Variants in DCLK1 observed in about 807,000 individuals in gnomAD.
DCLK1 encodes serine/threonine-protein kinase DCLK1.
In DCLK1, 16 loss-of-function variants were observed where a neutral mutation model predicts 86.2. The ratio of observed to expected loss-of-function variants is 0.19; its 90% CI spans 0.13 to 0.28. The LOEUF (loss-of-function observed/expected upper bound fraction) is 0.28. Among genes scored for constraint, DCLK1 ranks in the 10% least tolerant of loss-of-function variants. DCLK1 has a pLI of 1.00. For synonymous variants in DCLK1, 369 were observed against 370.5 expected, an observed-to-expected ratio of 1.00 and a Z score of 0.05; for missense variants, 590 against 940.2, an observed-to-expected ratio of 0.63 and a Z score of 4.87.
At chr13:35,819,221 T>C (rs1370233808) in intron 11 of DCLK1, among the ~76,000 whole-genome samples, 3 of 152,170 alleles carry the variant, frequency 2.0e-5, no homozygotes, top group Non-Finnish European at 2.9e-5. Context: ...TTATAAGGGG[T>C]ATTTTTTATT....
intron 3 of DCLK1, among the ~76,000 whole-genome samples, chr13:36,039,957 C>G (rs1882643620): frequency 6.7e-6 from 1 of 148,640 alleles, no homozygotes; most frequent in African/African-American, 2.5e-5. Context: ...GATACAAGGT[C>G]TGGCTCTGTC....
In DCLK1 at chr13:35,771,006, C is replaced by T. The variant is rs1462622574; in HGVS notation, c.*3529G>A. On this transcript the variant is annotated 3_prime_UTR_variant, in exon 17 of 17. Coordinates refer to ENST00000360631, the MANE Select transcript of DCLK1 (RefSeq NM_001330071.2). The stretch of plus-strand genomic sequence containing the variant: ...TGACAGATCCTAACCCAGAGAAGGG[C>T]TAAGAGCAACACAGTAATATTAAGA... 6.6e-6 allele frequency: 1 copy of T among 152,110 alleles called. No homozygotes were observed. The highest frequency in any genetic ancestry group is 1.5e-5 in the Non-Finnish European group (1 of 68,004). 9.4% of individuals were successfully genotyped at this position (152,110 alleles called of 1,614,324 possible).
chr13:35,937,839 T>G (rs1333630191), intron 4 of DCLK1, among the ~76,000 whole-genome samples: 1 of 152,174 alleles, frequency 6.6e-6, no homozygotes. Flanking sequence ...AGTCATTATT[T>G]ATTATTATTT....
chr13:36,052,528 C>A (rs933429038), intron 3 of DCLK1, among the ~76,000 whole-genome samples: 2 of 152,086 alleles, frequency 1.3e-5, no homozygotes, highest in African/African-American at 4.8e-5. Flanking sequence ...CCAAGGAGCT[C>A]TAAGACTCTA....
At chr13:36,022,261 C>T (rs182776795) in intron 3 of DCLK1, among the ~76,000 whole-genome samples, 1 of 151,920 alleles carries the variant, frequency 6.6e-6, no homozygotes, top group East Asian at 1.9e-4. Flanking sequence ...TGATAAGATG[C>T]AGTTAATACT....
chr13:35,982,760 CT>C (rs11350843), intron 3 of DCLK1, among the ~76,000 whole-genome samples: 4,065 of 151,516 alleles, frequency 0.027, 178 homozygotes, highest in African/African-American at 0.093. Context: ...GTGTGAATTG[CT>C]TTTTTTTTGT....
intron 4 of DCLK1, 133 bp downstream of exon 4, chr13:35,947,225 T>G: frequency 5.4e-6 from 3 of 553,362 alleles, no homozygotes; most frequent in Non-Finnish European, 3.2e-6. Context: ...ATCCAAGATA[T>G]GGAAAAGACA....
chr13:35,881,416 G>A (rs763201319), intron 4 of DCLK1, among the ~76,000 whole-genome samples: 7 of 152,166 alleles, frequency 4.6e-5, no homozygotes, highest in Non-Finnish European at 7.3e-5. Flanking sequence ...TCAGGGTGCA[G>A]GGAAAGCCTT....
At chr13:35,877,891 A>G (rs1872676322) in intron 4 of DCLK1, among the ~76,000 whole-genome samples, 1 of 152,236 alleles carries the variant, frequency 6.6e-6, no homozygotes, top group African/African-American at 2.4e-5. Context: ...CACAAAGTCA[A>G]TGACAAAAAG....
intron 4 of DCLK1, among the ~76,000 whole-genome samples, chr13:35,929,417 A>G (rs375549953): frequency 2.6e-5 from 4 of 152,182 alleles, no homozygotes; most frequent in East Asian, 1.9e-4. Context: ...TCGGTTCTCA[A>G]TAGTTGGGCA....
chr13:35,936,247 A>G (rs144056666), intron 4 of DCLK1, among the ~76,000 whole-genome samples: 1 of 152,344 alleles, frequency 6.6e-6, no homozygotes, highest in Non-Finnish European at 1.5e-5. Context: ...AGTGCTTTGA[A>G]GATTATCCTT....
At chr13:35,774,998 G>A (rs1222847351) in intron 16 of DCLK1, among the ~76,000 whole-genome samples, 1 of 152,040 alleles carries the variant, frequency 6.6e-6, no homozygotes, top group Non-Finnish European at 1.5e-5. Flanking sequence ...TTTACCCTTG[G>A]TGGCTCCTAG....
At chr13:35,934,551 A>C (rs1876648831) in intron 4 of DCLK1, among the ~76,000 whole-genome samples, 1 of 152,326 alleles carries the variant, frequency 6.6e-6, no homozygotes, top group South Asian at 2.1e-4. Context: ...TGGTAAAACC[A>C]TCAGATCTTA....
chr13:36,074,670 C>T (rs1313696620), intron 3 of DCLK1, among the ~76,000 whole-genome samples: 2 of 152,100 alleles, frequency 1.3e-5, no homozygotes, highest in East Asian at 3.8e-4. Context: ...CTATAGACAC[C>T]TATAGCTTTG....
At chr13:35,958,098 GC>G (rs1566620468) in intron 3 of DCLK1, among the ~76,000 whole-genome samples, 10 of 1,846 alleles carry the variant, frequency 5.4e-3, no homozygotes, top group Non-Finnish European at 9.2e-3. Flanking sequence ...CATCACCACC[GC>G]TATAACCACC....
chr13:35,868,903 G>A (rs1872052145), intron 5 of DCLK1, among the ~76,000 whole-genome samples: 1 of 152,136 alleles, frequency 6.6e-6, no homozygotes, highest in South Asian at 2.1e-4. Context: ...CGATTCTCCT[G>A]CCTCAGCCTC....
chr13:35,820,898 T>C (rs2087377639), intron 11 of DCLK1, among the ~76,000 whole-genome samples: 2 of 152,262 alleles, frequency 1.3e-5, no homozygotes, highest in Admixed American at 6.5e-5. Flanking sequence ...TAATTGCAAT[T>C]AACTAATTGT....
Position 35,774,581 on chromosome 13 carries a change from G to A in DCLK1, c.2177C>T (p.Ser726Phe), listed in dbSNP as rs774312251. Reference protein sequence around the residue: ...PELNSESEDYSPSSSETVRSP... With the variant: ...PELNSESEDYFPSSSETVRSP... Reference sequence around the variant, plus strand: ...GCGAACAGTCTCGGAGGAGCTTGGGGAGTAGTCTTCCGATTCCGAGTTGAG... The same window carrying A: ...GCGAACAGTCTCGGAGGAGCTTGGGAAGTAGTCTTCCGATTCCGAGTTGAG... The change falls in exon 17 of 17, where the codon TCC (serine) becomes TTC (phenylalanine). Residue 726 changes from serine (S) to phenylalanine (F), a missense_variant. Physicochemically the swap from Ser to Phe is radical, Grantham distance 155. This residue lies in a region of DCLK1 where 146 missense variants were observed against 190.2 expected (regional missense o/e 0.77). Coordinates refer to ENST00000360631, the MANE Select transcript of DCLK1 (RefSeq NM_001330071.2). The A allele has an allele frequency of 1.9e-5, 30 of 1,571,442 alleles. No individual in the cohort carries two copies. The highest frequency in any genetic ancestry group is 2.3e-5 in the Non-Finnish European group (27 of 1,156,642).
intron 3 of DCLK1, among the ~76,000 whole-genome samples, chr13:36,094,529 C>T (rs1448644165): frequency 6.6e-6 from 1 of 152,202 alleles, no homozygotes; most frequent in Non-Finnish European, 1.5e-5. Context: ...AACTGCCAGT[C>T]ATGGGTAGTT....
Sources: allele counts gnomAD v4.1 joint callset (sites outside exome capture counted in the v4.1 genomes callset), GRCh38; gene constraint gnomAD v4.1.1; regional missense constraint gnomAD v4.1.1; transcripts MANE v1.5; gene names NCBI Gene and HGNC (gene_info 2026-07-23, HGNC 2026-07-21).